ST3GAL3: variants seen among roughly 807,000 people sequenced by gnomAD.
ST3GAL3 encodes ST3 beta-galactoside alpha-2,3-sialyltransferase 3, also known as CMP-N-acetylneuraminate-beta-1,4-galactoside alpha-2,3-sialyltransferase.
In ST3GAL3, 21 loss-of-function variants were observed where a neutral mutation model predicts 50.1. That is an observed-to-expected ratio of 0.42 (90% CI 0.30 to 0.60). The LOEUF is 0.60. ST3GAL3 is among the 20% of genes least tolerant of loss of function. The pLI is 0.19. For synonymous variants in ST3GAL3, 183 were observed against 190.0 expected (o/e 0.96, Z 0.30); for missense variants, 353 against 489.4 (o/e 0.72, Z 2.63).
intron 2 of ST3GAL3, among the ~76,000 whole-genome samples, chr1:43,749,768 A>T (rs1488135653): frequency 6.6e-6 from 1 of 152,196 alleles, no homozygotes; most frequent in African/African-American, 2.4e-5. Flanking sequence ...TTGGGAAGTG[A>T]TTGGGTCATG....
At chr1:43,917,869 C>G (rs542605597) in intron 9 of ST3GAL3, among the ~76,000 whole-genome samples, 2 of 148,512 alleles carry the variant, frequency 1.3e-5, no homozygotes, top group Admixed American at 1.4e-4. Context: ...GGGGTTTCAC[C>G]ATGTTGGCCA....
intron 3 of ST3GAL3, among the ~76,000 whole-genome samples, chr1:43,813,210 G>A (rs1362052225): frequency 6.6e-6 from 1 of 152,140 alleles, no homozygotes; most frequent in East Asian, 1.9e-4. Context: ...GGGAGTCTTA[G>A]CTCAGGTCTG....
At chr1:43,792,060 A>C (rs368289011) in intron 2 of ST3GAL3, 42 bp from the exon 3 acceptor site, 1 of 1,613,446 alleles carries the variant, frequency 6.2e-7, no homozygotes, top group East Asian at 2.2e-5. Flanking sequence ...CTTTTTTATT[A>C]TAAGAAGGAG....
At chr1:43,873,191 G>A (rs1046819191) in intron 5 of ST3GAL3, among the ~76,000 whole-genome samples, 12 of 152,190 alleles carry the variant, frequency 7.9e-5, no homozygotes, top group Admixed American at 7.2e-4. Flanking sequence ...CTACAGGAGA[G>A]ATGATTGTGA....
rs143955404 is a variant in ST3GAL3 at position 43,771,730 on chromosome 1, T to TTGTGTGTGTG, written c.119-20340_119-20331dup. 5.9e-4 allele frequency among the ~76,000 whole-genome samples: 86 copies of TTGTGTGTGTG among 145,122 alleles called. 1 individual carries two copies. Among genetic ancestry groups the TTGTGTGTGTG allele is most frequent in the African/African-American group, 2.1e-3 (80 of 38,452 alleles). On this transcript the variant is annotated intron_variant, in intron 2 of 11. Coordinates refer to ENST00000347631, the MANE Select transcript of ST3GAL3 (RefSeq NM_006279.5). The stretch of plus-strand genomic sequence containing the variant: ...CTCAGATTATAATGTTTTAATAAAG[T>TTGTGTGTGTG]TGTGTGTGTGTGTGTGTGTGTGTGT...
At chr1:43,793,082 G>A (rs1223386041) in intron 3 of ST3GAL3, among the ~76,000 whole-genome samples, 1 of 152,158 alleles carries the variant, frequency 6.6e-6, no homozygotes, top group Non-Finnish European at 1.5e-5. Context: ...TAGTAGAGTG[G>A]ACAAGAGGAA....
At chr1:43,895,418 A>C (rs890948987) in intron 6 of ST3GAL3, among the ~76,000 whole-genome samples, 3 of 152,166 alleles carry the variant, frequency 2.0e-5, no homozygotes, top group African/African-American at 7.2e-5. Flanking sequence ...GCATGGTGGA[A>C]AATAATCTGG....
intron 5 of ST3GAL3, among the ~76,000 whole-genome samples, chr1:43,870,616 C>T (rs2072454802): frequency 7.3e-6 from 1 of 136,968 alleles, no homozygotes; most frequent in Non-Finnish European, 1.5e-5. Flanking sequence ...GATGGAGAAG[C>T]TCTTGGAGAG....
chr1:43,811,928 G>A (rs12125838), intron 3 of ST3GAL3, among the ~76,000 whole-genome samples: 54,034 of 152,090 alleles, frequency 0.36, 10,667 homozygotes, highest in East Asian at 0.59. Flanking sequence ...TTAGAATTAC[G>A]TGATAAGTAT....
At chr1:43,871,050 C>T (rs535456930) in intron 5 of ST3GAL3, among the ~76,000 whole-genome samples, 1 of 152,316 alleles carries the variant, frequency 6.6e-6, no homozygotes, top group South Asian at 2.1e-4. Context: ...GTAGGAAACA[C>T]CCTCTGTTCC....
At chr1:43,808,687 T>G (rs1440925613) in intron 3 of ST3GAL3, among the ~76,000 whole-genome samples, 2 of 152,090 alleles carry the variant, frequency 1.3e-5, no homozygotes, top group African/African-American at 2.4e-5. Flanking sequence ...GCAACTAGAA[T>G]TCACAGATCA....
chr1:43,919,372 C>T (rs2082649068), intron 9 of ST3GAL3: 1 of 152,316 alleles, frequency 6.6e-6, no homozygotes, highest in Non-Finnish European at 1.5e-5. Flanking sequence ...AGCCACTGCG[C>T]CTGGCTGATT....
At chr1:43,904,310 A>G (rs1389189722) in intron 9 of ST3GAL3, among the ~76,000 whole-genome samples, 1 of 152,108 alleles carries the variant, frequency 6.6e-6, no homozygotes, top group African/African-American at 2.4e-5. Flanking sequence ...CAAGCCTGAG[A>G]GGGATGCAGA....
In ST3GAL3 at chr1:43,754,381, G is replaced by C. The variant is rs148240348; in HGVS notation, c.118+18001G>C. ...CTAATTTTTGTATTTTAGTAGAGACGAGGTTTCACCGCGTTAGCCAGGCTG... is the reference window on the plus strand; with the variant it reads ...CTAATTTTTGTATTTTAGTAGAGACCAGGTTTCACCGCGTTAGCCAGGCTG... On this transcript the variant is annotated intron_variant, in intron 2 of 11. Coordinates refer to ENST00000347631, the MANE Select transcript of ST3GAL3 (RefSeq NM_006279.5). Among the ~76,000 whole-genome samples, 806 of 152,150 alleles carry C rather than the reference G, an allele frequency of 5.3e-3. 16 individuals carry two copies. Among genetic ancestry groups the C allele is most frequent in the African/African-American group, 0.018 (749 of 41,492 alleles).
intron 3 of ST3GAL3, among the ~76,000 whole-genome samples, chr1:43,810,641 T>C (rs754329030): frequency 1.8e-4 from 27 of 152,180 alleles, no homozygotes; most frequent in Non-Finnish European, 7.4e-5. Flanking sequence ...GGAGTCATCA[T>C]TTTCCACAAA....
chr1:43,793,412 A>G (rs183477205), intron 3 of ST3GAL3, among the ~76,000 whole-genome samples: 85 of 152,338 alleles, frequency 5.6e-4, no homozygotes, highest in African/African-American at 2.0e-3. Flanking sequence ...ATTTCAAAAT[A>G]CACAATAAAT....
At chr1:43,765,892 T>G (rs1241953242) in intron 2 of ST3GAL3, among the ~76,000 whole-genome samples, 1 of 150,754 alleles carries the variant, frequency 6.6e-6, no homozygotes, top group African/African-American at 2.4e-5. Flanking sequence ...AACAAGCTCC[T>G]CTTTCCCTCA....
At chr1:43,855,965 A>C (rs1300583829) in intron 5 of ST3GAL3, among the ~76,000 whole-genome samples, 1 of 152,228 alleles carries the variant, frequency 6.6e-6, no homozygotes, top group Non-Finnish European at 1.5e-5. Flanking sequence ...GTTCATAAAG[A>C]AATAGGTACA....
intron 11 of ST3GAL3, among the ~76,000 whole-genome samples, chr1:43,928,649 C>T (rs538902465): frequency 6.6e-6 from 1 of 151,462 alleles, no homozygotes; most frequent in Admixed American, 6.6e-5. Flanking sequence ...TGGCTCATGC[C>T]TGTAATCCCA....
Sources: allele counts gnomAD v4.1 joint callset (sites outside exome capture counted in the v4.1 genomes callset), GRCh38; gene constraint gnomAD v4.1.1; transcripts MANE v1.5; gene names NCBI Gene and HGNC (gene_info 2026-07-23, HGNC 2026-07-21).